Variants in MYOCD observed in about 807,000 individuals in gnomAD.
The protein encoded by MYOCD is myocardin.
MYOCD carries 32 observed loss-of-function variants against 96.1 expected under a neutral mutation model. The ratio of observed to expected loss-of-function variants is 0.33; its 90% CI spans 0.25 to 0.45. MYOCD has a LOEUF of 0.45. MYOCD is among the 20% of genes least tolerant of loss of function. The pLI is 1.00. For synonymous variants in MYOCD, 469 were observed against 469.0 expected (o/e 1.00, Z 0.00); for missense variants, 1,133 against 1,200.6 (o/e 0.94, Z 0.83).
chr17:12,673,619 C>T (rs531890464), intron 1 of MYOCD, among the ~76,000 whole-genome samples: 1 of 152,244 alleles, frequency 6.6e-6, no homozygotes, highest in South Asian at 2.1e-4. Context: ...AATCTGTATG[C>T]ATAACACTAC....
At position 12,752,809 on chromosome 17, in the gene MYOCD, T is replaced by C. The variant is rs1241250040; in HGVS notation, c.1521T>C (p.Pro507=). Residue 507 remains proline (P), a synonymous_variant, in exon 10 of 14, where the codon CCT becomes CCC. Transcript: ENST00000425538. ...GCAGCCTGAATGGGGGCTCTGTTCC[T>C]TCTGAGCTGGATGGGCTGGACTCCG... ...LMSSLNGGSV[P]SELDGLDSEK... The C allele has an allele frequency of 1.2e-6, 2 of 1,614,020 alleles. No individual in the cohort carries two copies. Among genetic ancestry groups the C allele is most frequent in the South Asian group, 2.2e-5 (2 of 91,056 alleles).
chr17:12,755,220 C>T (rs1227102609), intron 10 of MYOCD, among the ~76,000 whole-genome samples: 2 of 152,122 alleles, frequency 1.3e-5, no homozygotes, highest in Non-Finnish European at 2.9e-5. Flanking sequence ...CAGCTCTGGA[C>T]CAAAAATTTC....
intron 2 of MYOCD, among the ~76,000 whole-genome samples, chr17:12,707,328 T>C (rs752509010): frequency 6.6e-6 from 1 of 152,134 alleles, no homozygotes; most frequent in Admixed American, 6.5e-5. Flanking sequence ...CACGGGACCA[T>C]GCCAGGCACT....
Position 12,752,725 on chromosome 17 carries a change from C to G in MYOCD, c.1437C>G (p.Ser479=), listed in dbSNP as rs143746557. The part of the protein sequence containing the change: ...GSLPDTFNDA[S]PSFGLHPSPV... ...TGCCGGACACCTTCAATGATGCCTC[C>G]CCCTCCTTCGGCCTGCACCCGTCCC... Residue 479 remains serine, a synonymous_variant, in exon 10 of 14, where the codon TCC becomes TCG. Transcript: ENST00000425538. 4.3e-6 allele frequency: 7 copies of G among 1,614,054 alleles called. No individual in the cohort carries two copies. The African/African-American group carries it at 9.3e-5, about 22-fold the overall frequency.
rs549132646 is a variant in MYOCD at position 12,685,284 on chromosome 17, C to A, written c.55+19041C>A. Among the ~76,000 whole-genome samples the A allele has an allele frequency of 2.6e-4, 39 of 150,762 alleles. No individual in the cohort carries two copies. The South Asian group carries it at 6.5e-3, about 25-fold the overall frequency. On this transcript the variant is annotated intron_variant, in intron 1 of 13. Transcript: ENST00000425538. ...TACTGCACTCCAGCCTGGGTGACAG[C>A]GTAAGACCCTGTCTCAACAACAACA...
At chr17:12,722,734 G>A in intron 4 of MYOCD, 113 bp from the exon 5 acceptor site, 3 of 818,210 alleles carry the variant, frequency 3.7e-6, no homozygotes, top group Middle Eastern at 2.7e-4. Flanking sequence ...AAATTATTAG[G>A]ATGGTAGAGC....
At chr17:12,757,785 C>T (rs1377042904) in intron 11 of MYOCD, among the ~76,000 whole-genome samples, 2 of 152,098 alleles carry the variant, frequency 1.3e-5, no homozygotes, top group African/African-American at 4.8e-5. Flanking sequence ...TGAGCCATCA[C>T]GCCTAGCCTG....
intron 1 of MYOCD, among the ~76,000 whole-genome samples, chr17:12,696,224 C>T (rs187004636): frequency 2.6e-5 from 4 of 152,094 alleles, no homozygotes; most frequent in East Asian, 1.9e-4. Context: ...GTGGTCCGCC[C>T]GCCTCGACCT....
chr17:12,754,001 T>G (rs978865791), intron 10 of MYOCD, among the ~76,000 whole-genome samples: 6 of 152,132 alleles, frequency 3.9e-5, no homozygotes, highest in Admixed American at 3.9e-4. Flanking sequence ...ATTAAACAAT[T>G]TCAAAGTTAA....
chr17:12,725,011 A>G (rs747774415), intron 5 of MYOCD, among the ~76,000 whole-genome samples: 3 of 152,046 alleles, frequency 2.0e-5, no homozygotes, highest in Non-Finnish European at 2.9e-5. Context: ...CTTCCATAGT[A>G]TCTATCTCCA....
rs574451807 is a variant in MYOCD at position 12,736,059 on chromosome 17, G to A, written c.416-102G>A. ...CTAAACTTAAAACAAACTGGAGAGA[G>A]AGAGGTGTATTTTTAATAGAAATGA... On this transcript the variant is annotated intron_variant, in intron 5 of 13. Coordinates refer to ENST00000425538, the MANE Select transcript of MYOCD (RefSeq NM_001146312.3). 2.5e-5 allele frequency: 23 copies of A among 903,424 alleles called. 1 individual carries two copies. The African/African-American group carries it at 3.2e-4, about 12-fold the overall frequency. 56.0% of individuals were successfully genotyped at this position (903,424 alleles called of 1,614,324 possible). A position where few individuals can be genotyped will look rare whatever the true frequency, so the allele number is the denominator to read the frequency against.
chr17:12,752,326 G>C, intron 9 of MYOCD, 88 bp from the exon 10 acceptor site: 2 of 1,144,834 alleles, frequency 1.7e-6, no homozygotes, highest in Non-Finnish European at 2.5e-6. Flanking sequence ...AATTCCATTT[G>C]TGATGTTTTG....
intron 1 of MYOCD, among the ~76,000 whole-genome samples, chr17:12,683,564 G>A (rs1416922181): frequency 3.3e-5 from 5 of 151,928 alleles, no homozygotes. Flanking sequence ...CACATACACA[G>A]ATACACACAC....
chr17:12,677,759 T>C (rs1329807800), intron 1 of MYOCD, among the ~76,000 whole-genome samples: 1 of 152,050 alleles, frequency 6.6e-6, no homozygotes, highest in African/African-American at 2.4e-5. Flanking sequence ...TTTATATCAA[T>C]ATGCTTTGAT....
At chr17:12,735,491 T>G (rs1208345520) in intron 5 of MYOCD, among the ~76,000 whole-genome samples, 1 of 151,920 alleles carries the variant, frequency 6.6e-6, no homozygotes, top group African/African-American at 2.4e-5. Flanking sequence ...CACAAAGATA[T>G]GAGGAATACA....
At chr17:12,702,646 G>A (rs1412916449) in intron 1 of MYOCD, among the ~76,000 whole-genome samples, 1 of 149,614 alleles carries the variant, frequency 6.7e-6, no homozygotes, top group East Asian at 2.0e-4. Flanking sequence ...GCCTTCTTTG[G>A]ATTACTTGAT....
chr17:12,750,817 T>C (rs2150718012), intron 9 of MYOCD, among the ~76,000 whole-genome samples: 1 of 152,258 alleles, frequency 6.6e-6, no homozygotes, highest in East Asian at 1.9e-4. Flanking sequence ...CTAATGATGA[T>C]ATACATACAT....
intron 8 of MYOCD, among the ~76,000 whole-genome samples, chr17:12,745,370 C>T (rs527796488): frequency 4.9e-4 from 74 of 152,052 alleles, no homozygotes; most frequent in Middle Eastern, 3.4e-3. Context: ...CCACCACGCC[C>T]GGCTAATTTT....
At chr17:12,679,800 A>T (rs758419388) in intron 1 of MYOCD, among the ~76,000 whole-genome samples, 2 of 152,188 alleles carry the variant, frequency 1.3e-5, no homozygotes, top group African/African-American at 2.4e-5. Context: ...TGCAAGAAGG[A>T]GGTTTCAGAA....
Sources: allele counts gnomAD v4.1 joint callset (sites outside exome capture counted in the v4.1 genomes callset), GRCh38; gene constraint gnomAD v4.1.1; transcripts MANE v1.5; gene names NCBI Gene and HGNC (gene_info 2026-07-23, HGNC 2026-07-21).